The following LRFN5 variants were observed in gnomAD, a reference collection of about 807,000 sequenced individuals.
LRFN5 encodes leucine-rich repeat and fibronectin type-III domain-containing protein 5.
In LRFN5, 24 loss-of-function variants were observed where a neutral mutation model predicts 45.6. That is an observed-to-expected ratio of 0.53 (90% CI 0.38 to 0.74). The LOEUF (loss-of-function observed/expected upper bound fraction) is 0.74. LRFN5 is among the 30% of genes least tolerant of loss of function. The probability of loss-of-function intolerance (pLI) is 0.00; values close to 1 mark genes in which losing one functional copy is unlikely to be tolerated. For missense variants in LRFN5, 776 were observed against 861.5 expected (o/e 0.90, Z 1.24); for synonymous variants, 340 against 313.8 (o/e 1.08, Z -0.88).
At chr14:41,889,012 T>TAC (rs3032301) in intron 3 of LRFN5, among the ~76,000 whole-genome samples, 6 of 149,738 alleles carry the variant, frequency 4.0e-5, no homozygotes, top group African/African-American at 9.8e-5. Context: ...CATATATATA[T>TAC]GTGTGTGTAT....
At position 41,785,080 on chromosome 14, in the gene LRFN5, C is replaced by CT. The variant is rs147954620; in HGVS notation, c.-21+18059dup. On this transcript the variant is annotated intron_variant, in intron 2 of 5. Transcript: ENST00000298119. ...AATAATATGAAAATAGCCACTCTAG[C>CT]TTTTTTTTGGAGTGGTGTTTGAATA... is the stretch of plus-strand genomic sequence containing the variant. 8.2e-3 allele frequency among the ~76,000 whole-genome samples: 1,249 copies of CT among 151,954 alleles called. 21 individuals carry two copies. Among genetic ancestry groups the CT allele is most frequent in the African/African-American group, 0.028 (1,171 of 41,478 alleles).
At chr14:41,769,910 C>T (rs1230181257) in intron 2 of LRFN5, among the ~76,000 whole-genome samples, 3 of 152,072 alleles carry the variant, frequency 2.0e-5, no homozygotes, top group Non-Finnish European at 4.4e-5. Flanking sequence ...ATTTTTGCAT[C>T]ACTATAAGGA....
At chr14:41,811,274 G>A (rs1284146241) in intron 2 of LRFN5, among the ~76,000 whole-genome samples, 1 of 151,980 alleles carries the variant, frequency 6.6e-6, no homozygotes, top group Non-Finnish European at 1.5e-5. Flanking sequence ...ACAATAACAA[G>A]TGTTAGTGAG....
intron 1 of LRFN5, among the ~76,000 whole-genome samples, chr14:41,653,829 C>G (rs894210461): frequency 6.6e-6 from 1 of 151,950 alleles, no homozygotes. Context: ...GAGAAGTCAT[C>G]GAATTTGGGA....
rs542780464 is a variant in LRFN5 at position 41,673,603 on chromosome 14, C to G, written c.-197+65041C>G. Among the ~76,000 whole-genome samples, 4 of 144,418 alleles carry G rather than the reference C, an allele frequency of 2.8e-5. No individual in the cohort carries two copies. The South Asian group carries it at 9.0e-4, about 33-fold the overall frequency. 94.7% of individuals were successfully genotyped at this position (144,418 alleles called of 152,430 possible). A position where few individuals can be genotyped will look rare whatever the true frequency, so the allele number is the denominator to read the frequency against. ...CCCCCCACCTCACTCCCGGATGGGG[C>G]GGCTGGCCGGGCAGGGGACTGACCC... On this transcript the variant is annotated intron_variant, in intron 1 of 5. Coordinates refer to ENST00000298119, the MANE Select transcript of LRFN5 (RefSeq NM_152447.5).
At chr14:41,717,358 A>G (rs1883534598) in intron 1 of LRFN5, among the ~76,000 whole-genome samples, 1 of 152,222 alleles carries the variant, frequency 6.6e-6, no homozygotes, top group East Asian at 1.9e-4. Flanking sequence ...ATATTGAGGA[A>G]AGAATATTTC....
intron 2 of LRFN5, among the ~76,000 whole-genome samples, chr14:41,768,886 G>C (rs902277064): frequency 1.3e-5 from 2 of 152,046 alleles, no homozygotes; most frequent in Non-Finnish European, 2.9e-5. Context: ...AAGGCCAAAA[G>C]ATTTTCTTAA....
At chr14:41,630,836 C>T (rs1329224551) in intron 1 of LRFN5, among the ~76,000 whole-genome samples, 3 of 151,826 alleles carry the variant, frequency 2.0e-5, no homozygotes, top group East Asian at 1.9e-4. Flanking sequence ...AGTTCTTTAT[C>T]GTTTTGCTAA....
At chr14:41,831,468 G>A (rs564526482) in intron 2 of LRFN5, among the ~76,000 whole-genome samples, 1 of 152,162 alleles carries the variant, frequency 6.6e-6, no homozygotes, top group East Asian at 1.9e-4. Context: ...CTCAATGTAT[G>A]CAATATGTAA....
intron 2 of LRFN5, among the ~76,000 whole-genome samples, chr14:41,832,634 G>A (rs1182412969): frequency 6.6e-6 from 1 of 152,108 alleles, no homozygotes; most frequent in Non-Finnish European, 1.5e-5. Context: ...TAGTTGTGGT[G>A]CATTAACCTT....
intron 1 of LRFN5, among the ~76,000 whole-genome samples, chr14:41,661,195 C>T (rs555029072): frequency 2.8e-4 from 43 of 151,876 alleles, no homozygotes; most frequent in African/African-American, 8.9e-4. Context: ...ACTAAAATCT[C>T]ATCTTATTGA....
intron 1 of LRFN5, among the ~76,000 whole-genome samples, chr14:41,688,055 A>G (rs1042307334): frequency 2.0e-5 from 3 of 152,206 alleles, no homozygotes; most frequent in Non-Finnish European, 4.4e-5. Flanking sequence ...AAGTGTGGTA[A>G]ACCAGGCACA....
chr14:41,662,959 A>G lies in LRFN5; in HGVS notation c.-197+54397A>G, dbSNP rs187422173. 5.9e-5 allele frequency among the ~76,000 whole-genome samples: 9 copies of G among 151,788 alleles called. No individual in the cohort carries two copies. The East Asian group carries it at 1.7e-3, about 29-fold the overall frequency. On this transcript the variant is annotated intron_variant, in intron 1 of 5. Coordinates refer to ENST00000298119, the MANE Select transcript of LRFN5 (RefSeq NM_152447.5). ...GAGTTAGAGTGGTTTCACATATCAT[A>G]TGAAATTGTACCTTGATAAGACATG...
At chr14:41,818,864 A>G (rs1888014628) in intron 2 of LRFN5, among the ~76,000 whole-genome samples, 1 of 152,100 alleles carries the variant, frequency 6.6e-6, no homozygotes, top group Non-Finnish European at 1.5e-5. Flanking sequence ...TACTCAGTAG[A>G]TAATTTCTCA....
intron 1 of LRFN5, among the ~76,000 whole-genome samples, chr14:41,763,930 CT>C (rs909691302): frequency 1.3e-4 from 20 of 152,190 alleles, no homozygotes; most frequent in Admixed American, 9.8e-4. Flanking sequence ...ATAACAGTTG[CT>C]GAATTTTCTA....
At chr14:41,657,582 A>T (rs1273084157) in intron 1 of LRFN5, among the ~76,000 whole-genome samples, 1 of 151,998 alleles carries the variant, frequency 6.6e-6, no homozygotes, top group Non-Finnish European at 1.5e-5. Flanking sequence ...ATGCCTTTTA[A>T]AACCTTTTGA....
intron 2 of LRFN5, among the ~76,000 whole-genome samples, chr14:41,870,699 TC>T (rs913452849): frequency 3.3e-5 from 5 of 152,310 alleles, no homozygotes; most frequent in African/African-American, 1.2e-4. Flanking sequence ...TTTTATTAAC[TC>T]AAAGTCAAAT....
intron 2 of LRFN5, among the ~76,000 whole-genome samples, chr14:41,772,942 G>A (rs572471378): frequency 1.4e-4 from 21 of 151,898 alleles, no homozygotes; most frequent in South Asian, 2.1e-4. Context: ...GATTTCTCCC[G>A]TAGACTACCC....
At chr14:41,879,538 G>T (rs150701276) in intron 2 of LRFN5, among the ~76,000 whole-genome samples, 3,183 of 149,626 alleles carry the variant, frequency 0.021, 102 homozygotes, top group African/African-American at 0.074. Flanking sequence ...TATTTATATT[G>T]TTATATATAA....
Sources: allele counts gnomAD v4.1 joint callset (sites outside exome capture counted in the v4.1 genomes callset), GRCh38; gene constraint gnomAD v4.1.1; transcripts MANE v1.5; gene names NCBI Gene and HGNC (gene_info 2026-07-23, HGNC 2026-07-21).